SLIT2: variants seen among roughly 807,000 people sequenced by gnomAD.
SLIT2 encodes slit guidance ligand 2.
Under a neutral mutation model 185.7 loss-of-function variants are expected in SLIT2, and 41 were observed. The observed-to-expected ratio is 0.22, with a 90% confidence interval of 0.17 to 0.29. The LOEUF (loss-of-function observed/expected upper bound fraction) is 0.29, where lower values mean the gene tolerates loss of function less well. Among genes scored for constraint, SLIT2 ranks in the 10% least tolerant of loss-of-function variants. The pLI is 1.00. For missense variants in SLIT2, 1,571 were observed against 1,909.0 expected, an observed-to-expected ratio of 0.82 and a Z score of 3.30; for synonymous variants, 693 against 680.2, an observed-to-expected ratio of 1.02 and a Z score of -0.29.
intron 9 of SLIT2, among the ~76,000 whole-genome samples, chr4:20,503,519 A>G (rs1718922115): frequency 1.3e-5 from 2 of 151,958 alleles, no homozygotes; most frequent in Non-Finnish European, 2.9e-5. Flanking sequence ...TGATAGTGAC[A>G]TATTCTCTCC....
At chr4:20,311,298 A>C (rs1489305033) in intron 4 of SLIT2, among the ~76,000 whole-genome samples, 2 of 152,268 alleles carry the variant, frequency 1.3e-5, no homozygotes, top group African/African-American at 4.8e-5. Flanking sequence ...TTTTAAAACC[A>C]TGCTCTTAAA....
At chr4:20,511,373 G>T (rs1489696699) in intron 11 of SLIT2, among the ~76,000 whole-genome samples, 1 of 148,594 alleles carries the variant, frequency 6.7e-6, no homozygotes. Flanking sequence ...TCATTTTGCT[G>T]TTAGGAGAGC....
At chr4:20,425,465 T>C (rs1728483036) in intron 4 of SLIT2, among the ~76,000 whole-genome samples, 1 of 152,180 alleles carries the variant, frequency 6.6e-6, no homozygotes, top group Non-Finnish European at 1.5e-5. Context: ...CTAATGGCTA[T>C]TATTTATATG....
chr4:20,476,758 T>C (rs930380451), intron 5 of SLIT2, among the ~76,000 whole-genome samples: 1 of 152,166 alleles, frequency 6.6e-6, no homozygotes, highest in African/African-American at 2.4e-5. Context: ...TCAAACTCAG[T>C]GTGATATCCA....
At chr4:20,386,319 A>G (rs1005661150) in intron 4 of SLIT2, among the ~76,000 whole-genome samples, 4 of 152,222 alleles carry the variant, frequency 2.6e-5, no homozygotes, top group African/African-American at 9.6e-5. Flanking sequence ...TAACTTTACA[A>G]TACAATGTTT....
intron 4 of SLIT2, among the ~76,000 whole-genome samples, chr4:20,375,030 G>A (rs1171203185): frequency 2.6e-5 from 4 of 152,082 alleles, no homozygotes; most frequent in East Asian, 1.9e-4. Context: ...AAAGAATGGA[G>A]CAGTGAACTA....
chr4:20,591,955 G>A (rs1277848526), intron 30 of SLIT2, among the ~76,000 whole-genome samples: 3 of 152,006 alleles, frequency 2.0e-5, no homozygotes, highest in African/African-American at 7.2e-5. Flanking sequence ...GCTGCATTAT[G>A]GACTAACTCA....
chr4:20,289,337 C>A (rs1715585457), intron 4 of SLIT2, among the ~76,000 whole-genome samples: 1 of 152,096 alleles, frequency 6.6e-6, no homozygotes, highest in South Asian at 2.1e-4. Flanking sequence ...TAAAAAAAAT[C>A]TGTGTATGAC....
At chr4:20,326,876 G>T (rs1352436890) in intron 4 of SLIT2, among the ~76,000 whole-genome samples, 1 of 147,718 alleles carries the variant, frequency 6.8e-6, no homozygotes, top group Non-Finnish European at 1.5e-5. Flanking sequence ...AGTTTAATGT[G>T]CTCATTAAAT....
At position 20,411,154 on chromosome 4, in the gene SLIT2, G is replaced by A. The variant is rs183227939; in HGVS notation, c.396-56598G>A. Among the ~76,000 whole-genome samples, 371 of 152,180 alleles carry A rather than the reference G, an allele frequency of 2.4e-3. 1 individual carries two copies. Among genetic ancestry groups the A allele is most frequent in the African/African-American group, 8.6e-3 (356 of 41,532 alleles). ...CTTCCCTTGTTAACTGTAGTCCTAG[G>A]TATTTTATTCTTTTTGTGAAAAAGC... On this transcript the variant is annotated intron_variant, in intron 4 of 36. Transcript: ENST00000504154.
chr4:20,432,863 G>A (rs1729093597), intron 4 of SLIT2, among the ~76,000 whole-genome samples: 1 of 152,134 alleles, frequency 6.6e-6, no homozygotes, highest in Admixed American at 6.6e-5. Flanking sequence ...AAGTACTTAA[G>A]TGTTTGTGCT....
At chr4:20,366,502 G>A (rs1228265934) in intron 4 of SLIT2, among the ~76,000 whole-genome samples, 1 of 152,128 alleles carries the variant, frequency 6.6e-6, no homozygotes, top group Non-Finnish European at 1.5e-5. Context: ...AGAAGTAGAT[G>A]AGGCAGTGTA....
intron 4 of SLIT2, among the ~76,000 whole-genome samples, chr4:20,397,826 CAT>C (rs1465638106): frequency 1.3e-5 from 2 of 151,698 alleles, no homozygotes; most frequent in Non-Finnish European, 2.9e-5. Flanking sequence ...TTTTTAATCA[CAT>C]GTGGTTGTCG....
intron 4 of SLIT2, among the ~76,000 whole-genome samples, chr4:20,400,996 A>G (rs955605248): frequency 6.6e-6 from 1 of 151,864 alleles, no homozygotes; most frequent in Non-Finnish European, 1.5e-5. Context: ...GGAGCTACTT[A>G]GGGCACATGT....
chr4:20,573,788 G>A (rs1009930004), intron 29 of SLIT2, among the ~76,000 whole-genome samples: 1 of 151,884 alleles, frequency 6.6e-6, no homozygotes, highest in Non-Finnish European at 1.5e-5. Context: ...TAAAGCCCAA[G>A]AAGTTGACTT....
intron 4 of SLIT2, among the ~76,000 whole-genome samples, chr4:20,373,240 C>A: frequency 6.6e-6 from 1 of 152,158 alleles, no homozygotes; most frequent in Admixed American, 6.6e-5. Flanking sequence ...AAGAAAACTG[C>A]TTTTTCACTT....
intron 5 of SLIT2, among the ~76,000 whole-genome samples, chr4:20,472,315 G>GATATCTATATCT (rs1560453082): frequency 7.8e-5 from 1 of 12,818 alleles, no homozygotes; most frequent in African/African-American, 3.2e-4. Context: ...TCTATATATA[G>GATATCTATATCT]ATATATATAT....
chr4:20,570,402 A>G (rs916411787), intron 29 of SLIT2, among the ~76,000 whole-genome samples: 7 of 151,910 alleles, frequency 4.6e-5, no homozygotes, highest in African/African-American at 1.7e-4. Flanking sequence ...TTTCACACTA[A>G]TATTACCAAT....
chr4:20,416,406 C>G (rs1444676317), intron 4 of SLIT2, among the ~76,000 whole-genome samples: 1 of 152,120 alleles, frequency 6.6e-6, no homozygotes, highest in African/African-American at 2.4e-5. Flanking sequence ...TACTTATTAT[C>G]TCATTTAATG....
Sources: allele counts gnomAD v4.1 joint callset (sites outside exome capture counted in the v4.1 genomes callset), GRCh38; gene constraint gnomAD v4.1.1; transcripts MANE v1.5; gene names NCBI Gene and HGNC (gene_info 2026-07-23, HGNC 2026-07-21).